Variants in FGGY observed in about 807,000 individuals in gnomAD.
FGGY encodes FGGY carbohydrate kinase domain-containing protein.
FGGY carries 72 observed loss-of-function variants against 71.3 expected under a neutral mutation model. The ratio of observed to expected loss-of-function variants is 1.01; its 90% CI spans 0.84 to 1.23. The LOEUF is 1.23. Ranked by LOEUF, FGGY falls within the 50% of genes most tolerant of loss-of-function variation. The probability of loss-of-function intolerance (pLI) is 0.00; values close to 1 mark genes in which losing one functional copy is unlikely to be tolerated. For missense variants in FGGY, 668 were observed against 682.3 expected, an observed-to-expected ratio of 0.98 and a Z score of 0.23; for synonymous variants, 251 against 250.3, an observed-to-expected ratio of 1.00 and a Z score of -0.02.
chr1:59,434,135 C>T (rs2067937933), intron 5 of FGGY, among the ~76,000 whole-genome samples: 1 of 152,204 alleles, frequency 6.6e-6, no homozygotes, highest in Admixed American at 6.5e-5. Context: ...GATTTACTAT[C>T]AGTATACCTT....
At chr1:59,573,107 A>G (rs534325326) in intron 8 of FGGY, among the ~76,000 whole-genome samples, 1 of 152,326 alleles carries the variant, frequency 6.6e-6, no homozygotes, top group South Asian at 2.1e-4. Flanking sequence ...CAAAAATGCC[A>G]AGGTCATAAA....
chr1:59,491,116 CTCCTTCCTTCCT>C (rs74185346), intron 6 of FGGY, among the ~76,000 whole-genome samples: 2 of 52,542 alleles, frequency 3.8e-5, no homozygotes, highest in South Asian at 1.4e-3. Context: ...CCCTCCTTCC[CTCCTTCCTTCCT>C]TCCTTCCTTC....
intron 8 of FGGY, among the ~76,000 whole-genome samples, chr1:59,589,844 C>T (rs566672162): frequency 1.3e-5 from 2 of 151,894 alleles, no homozygotes; most frequent in South Asian, 4.2e-4. Flanking sequence ...AGGAAAGATC[C>T]AAAATTGACA....
intron 1 of FGGY, among the ~76,000 whole-genome samples, chr1:59,306,378 A>G (rs768372730): frequency 8.5e-5 from 13 of 152,230 alleles, no homozygotes; most frequent in Non-Finnish European, 1.3e-4. Context: ...TAACTAAATT[A>G]GGATAATTTT....
At chr1:59,417,698 A>G (rs953696026) in intron 5 of FGGY, among the ~76,000 whole-genome samples, 1 of 152,154 alleles carries the variant, frequency 6.6e-6, no homozygotes, top group African/African-American at 2.4e-5. Context: ...TGTAATGACT[A>G]CTAATGTTGA....
intron 1 of FGGY, among the ~76,000 whole-genome samples, chr1:59,315,159 T>G (rs929671875): frequency 1.3e-5 from 2 of 152,166 alleles, no homozygotes; most frequent in African/African-American, 2.4e-5. Context: ...ACCTCTGGGT[T>G]TCTGAGAACT....
chr1:59,675,707 TCA>T lies in FGGY; in HGVS notation c.1512+1577_1512+1578del, dbSNP rs1310849685. ...AGTGTATCAGCTGACGGAGATGTTCTCACAATTAAATATCTTGCCCTTCCTGC... is the reference window on the plus strand; with the variant it reads ...AGTGTATCAGCTGACGGAGATGTTCTCAATTAAATATCTTGCCCTTCCTGC... On this transcript the variant is annotated intron_variant, in intron 14 of 15. Transcript: ENST00000303721. Among the ~76,000 whole-genome samples, 6 of 152,254 alleles carry T rather than the reference TCA, an allele frequency of 3.9e-5. No homozygotes were observed. In the South Asian group the frequency reaches 6.2e-4, roughly 16 times the overall value.
At chr1:59,435,768 G>A (rs960408096) in intron 5 of FGGY, among the ~76,000 whole-genome samples, 1 of 151,662 alleles carries the variant, frequency 6.6e-6, no homozygotes, top group African/African-American at 2.4e-5. Flanking sequence ...GTGTGTGTGT[G>A]TGTGTGTGTG....
intron 7 of FGGY, among the ~76,000 whole-genome samples, chr1:59,549,816 G>A (rs2095581098): frequency 6.6e-6 from 1 of 152,186 alleles, no homozygotes; most frequent in South Asian, 2.1e-4. Context: ...CAATGCTTGG[G>A]TGGAAGTATT....
At chr1:59,737,312 C>T (rs1282154979) in intron 14 of FGGY, among the ~76,000 whole-genome samples, 1 of 152,198 alleles carries the variant, frequency 6.6e-6, no homozygotes, top group East Asian at 1.9e-4. Flanking sequence ...TCTAGTGGAG[C>T]TGTGAGAAGA....
chr1:59,456,455 T>C (rs2153511396), intron 5 of FGGY, among the ~76,000 whole-genome samples: 1 of 151,252 alleles, frequency 6.6e-6, no homozygotes, highest in East Asian at 1.9e-4. Context: ...ACTTTTTTTT[T>C]TTTTTTTTTT....
At chr1:59,642,203 G>A (rs528985997) in intron 11 of FGGY, among the ~76,000 whole-genome samples, 19 of 152,286 alleles carry the variant, frequency 1.2e-4, no homozygotes, top group Admixed American at 3.3e-4. Flanking sequence ...TTCTAGGCTC[G>A]GAAAGCCAGG....
At chr1:59,470,727 G>A (rs954633574) in intron 6 of FGGY, among the ~76,000 whole-genome samples, 1 of 152,206 alleles carries the variant, frequency 6.6e-6, no homozygotes, top group Non-Finnish European at 1.5e-5. Context: ...ATCCATAGTT[G>A]TGGGTGTTGT....
At chr1:59,664,411 A>C (rs1572860347) in intron 12 of FGGY, among the ~76,000 whole-genome samples, 1 of 152,364 alleles carries the variant, frequency 6.6e-6, no homozygotes, top group Middle Eastern at 3.4e-3. Context: ...GCTGTCTGTC[A>C]CAGCCCCTCT....
At chr1:59,467,162 T>C (rs994031359) in intron 6 of FGGY, among the ~76,000 whole-genome samples, 2 of 152,152 alleles carry the variant, frequency 1.3e-5, no homozygotes, top group Non-Finnish European at 2.9e-5. Context: ...CATGGAATAC[T>C]ATGCAGCAAT....
intron 4 of FGGY, among the ~76,000 whole-genome samples, chr1:59,375,072 A>T (rs1054631592): frequency 1.5e-5 from 2 of 130,034 alleles, no homozygotes; most frequent in South Asian, 2.2e-4. Flanking sequence ...TAATAATAAT[A>T]AAAAAAAATC....
intron 8 of FGGY, among the ~76,000 whole-genome samples, chr1:59,588,548 G>A (rs1407310307): frequency 6.6e-6 from 1 of 152,090 alleles, no homozygotes; most frequent in Non-Finnish European, 1.5e-5. Context: ...AGAAAGGGCG[G>A]GTTACCCACA....
Position 59,477,885 on chromosome 1 carries a change from G to T in FGGY, c.670+20809G>T, listed in dbSNP as rs149069086. On this transcript the variant is annotated intron_variant, in intron 6 of 15. Transcript: ENST00000303721. ...CAATGTCATAGGTTGTTCTGTTATG[G>T]ATATTGTATGTAGAGATCTATTGTT... Among the ~76,000 whole-genome samples the T allele has an allele frequency of 3.7e-3, 568 of 152,258 alleles. 3 individuals are homozygous for T. Among genetic ancestry groups the T allele is most frequent in the African/African-American group, 0.012 (508 of 41,550 alleles).
chr1:59,326,275 A>T (rs2047414332), intron 2 of FGGY, among the ~76,000 whole-genome samples: 1 of 152,222 alleles, frequency 6.6e-6, no homozygotes, highest in African/African-American at 2.4e-5. Context: ...GCTTAATTGT[A>T]TGAGAAAAAT....
Sources: gnomAD v4.1 joint callset for allele counts (sites outside exome capture counted in the v4.1 genomes callset) on GRCh38, gnomAD v4.1.1 for gene constraint, MANE v1.5 for transcripts, NCBI Gene and HGNC (gene_info 2026-07-23, HGNC 2026-07-21) for gene names.